Variants in ARAP3 observed in about 807,000 individuals in gnomAD.
ARAP3 encodes the protein ArfGAP with RhoGAP domain, ankyrin repeat and PH domain 3, also known as arf-GAP with Rho-GAP domain, ANK repeat and PH domain-containing protein 3.
ARAP3 carries 82 observed loss-of-function variants against 169.2 expected under a neutral mutation model. The ratio of observed to expected loss-of-function variants is 0.48; its 90% confidence interval spans 0.41 to 0.58. The LOEUF is 0.58. Ranked by LOEUF, ARAP3 falls within the 20% of genes least tolerant of loss-of-function variation. The probability of loss-of-function intolerance (pLI) is 0.00; values close to 1 mark genes in which losing one functional copy is unlikely to be tolerated. For missense variants in ARAP3, 1,764 were observed against 2,018.0 expected (o/e 0.87, Z 2.41); for synonymous variants, 791 against 800.3 (o/e 0.99, Z 0.20).
At chr5:141,655,982 G>A in intron 29 of ARAP3, 50 bp from the exon 30 acceptor site, 1 of 1,613,774 alleles carries the variant, frequency 6.2e-7, no homozygotes, top group Non-Finnish European at 8.5e-7. Context: ...CACAGCTATA[G>A]GAATGGAGCA....
chr5:141,659,091 T>C (rs185425991), intron 23 of ARAP3, among the ~76,000 whole-genome samples: 52 of 152,332 alleles, frequency 3.4e-4, no homozygotes, highest in Admixed American at 1.8e-3. Flanking sequence ...TTTGTCTGAC[T>C]TTACTAACTC....
At chr5:141,665,891 C>T (rs983526378) in intron 17 of ARAP3, among the ~76,000 whole-genome samples, 16 of 151,728 alleles carry the variant, frequency 1.1e-4, no homozygotes, top group African/African-American at 3.9e-4. Flanking sequence ...ATTAGCTGGG[C>T]GTGGTGGCGG....
intron 4 of ARAP3, among the ~76,000 whole-genome samples, chr5:141,675,192 G>A (rs560647350): frequency 6.6e-6 from 1 of 152,072 alleles, no homozygotes. Flanking sequence ...CATCCTTCAG[G>A]TCTTTGCTTA....
At position 141,658,608 on chromosome 5, in the gene ARAP3, G is replaced by T. The variant is rs1254676340; in HGVS notation, c.3382C>A (p.Gln1128Lys). The change falls in exon 24 of 33, where the codon CAG becomes AAG. Residue 1128 changes from glutamine (Q) to lysine (K), a missense_variant. This residue lies in a region of ARAP3 where 1,112 missense variants were observed against 1,285.7 expected (regional missense o/e 0.86). Transcript: ENST00000239440. ...DLIMEVYIEQQLPDNCVTLKV... is the reference protein window; with the variant it reads ...DLIMEVYIEQKLPDNCVTLKV... ...AGGGTGACACAGTTGTCTGGGAGCT[G>T]CTGCTCTATATAAACTTCCATGATG... 1.2e-6 allele frequency: 2 copies of T among 1,612,212 alleles called. No homozygotes were observed. The highest frequency in any genetic ancestry group is 3.4e-5 in the Admixed American group (2 of 59,272).
In ARAP3 at chr5:141,661,732, G is replaced by A. The variant is rs1367576423; in HGVS notation, c.3071C>T (p.Pro1024Leu). Residue 1024 changes from proline to leucine, a missense_variant, in exon 21 of 33, where the codon CCG (proline) becomes CTG (leucine). Pro to Leu is a moderately conservative substitution (Grantham distance 98). Transcript: ENST00000239440. ...GGCCAGTGTGCGGCGGTTGACCCGC[G>A]GCAGGCAGCCAATCACATCTTTATA... ...EKYKDVIGCL[P>L]RVNRRTLATL... 1.9e-6 allele frequency: 3 copies of A among 1,614,238 alleles called. No homozygotes were observed. Among genetic ancestry groups the A allele is most frequent in the Non-Finnish European group, 2.5e-6 (3 of 1,180,044 alleles).
intron 4 of ARAP3, among the ~76,000 whole-genome samples, chr5:141,674,419 A>C (rs1197040821): frequency 1.3e-5 from 2 of 151,538 alleles, no homozygotes; most frequent in African/African-American, 4.9e-5. Context: ...ACACCTGGCT[A>C]ATTTTTTATT....
At chr5:141,664,715 A>G (rs2099910411) in intron 19 of ARAP3, among the ~76,000 whole-genome samples, 1 of 152,044 alleles carries the variant, frequency 6.6e-6, no homozygotes, top group African/African-American at 2.4e-5. Context: ...CGTTGGCCCC[A>G]TTTTACAGAT....
rs773033723 is a variant in ARAP3, at chr5:141,656,510, C to G, written c.3783G>C (p.Glu1261Asp). Reference protein sequence around the residue: ...LRGRCLLLLKEKKSSKPEREW... With the variant: ...LRGRCLLLLKDKKSSKPEREW... ...TCTGGCCCCAGGGCCTCACTTTCTT[C>G]TCCTTGAGCAGCAGCAGGCAGCGGC... The change falls in exon 27 of 33, where the codon GAG (glutamate) becomes GAC (aspartate). Residue 1261 changes from glutamate to aspartate, a missense_variant. Physicochemically the swap from Glu to Asp is conservative, Grantham distance 45 (BLOSUM62 2). Transcript: ENST00000239440. 21 of 1,611,818 alleles carry G rather than the reference C, an allele frequency of 1.3e-5. No individual in the cohort carries two copies. The highest frequency in any genetic ancestry group is 1.7e-5 in the Admixed American group (1 of 59,682).
In ARAP3 at chr5:141,672,900, C is replaced by T. The variant is rs377011029; in HGVS notation, c.1119G>A (p.Thr373=). The T allele has an allele frequency of 1.1e-5, 18 of 1,608,862 alleles. No individual in the cohort carries two copies. Among genetic ancestry groups the T allele is most frequent in the East Asian group, 6.7e-5 (3 of 44,708 alleles). ...GCTGCTCCTTCAGACAGGACTGCAGCGTGGAGCACCACATGTCCCGCTGAG... is the reference window on the plus strand; with the variant it reads ...GCTGCTCCTTCAGACAGGACTGCAGTGTGGAGCACCACATGTCCCGCTGAG... ...SEAQRDMWCS[T]LQSCLKEQRL... is the part of the protein sequence containing the mutation. Residue 373 remains threonine (T), a synonymous_variant, in exon 8 of 33, where the codon ACG becomes ACA. Coordinates refer to ENST00000239440, the MANE Select transcript of ARAP3 (RefSeq NM_022481.6). This position sits in a 1 kb window ranked among gnomAD's most constrained non-coding sequence, Gnocchi z 4.9.
chr5:141,661,913 CCT>C, intron 20 of ARAP3, 124 bp from the exon 21 acceptor site: 5 of 1,497,074 alleles, frequency 3.3e-6, no homozygotes, highest in Non-Finnish European at 4.6e-6. Context: ...CCCACCTCCC[CCT>C]GAGCCAAGTC....
intron 21 of ARAP3, 117 bp from the exon 22 acceptor site, chr5:141,660,043 C>T (rs1451417956): frequency 4.5e-6 from 6 of 1,329,582 alleles, no homozygotes; most frequent in Non-Finnish European, 6.0e-6. Flanking sequence ...ATAATATTGG[C>T]CTCAAGGAGC....
Position 141,656,510 on chromosome 5 carries a change from C to T in ARAP3, c.3783G>A (p.Glu1261=). 1.2e-6 allele frequency: 2 copies of T among 1,611,818 alleles called. No homozygotes were observed. The highest frequency in any genetic ancestry group is 1.7e-6 in the Non-Finnish European group (2 of 1,178,982). The change falls in exon 27 of 33, where the codon GAG becomes GAA. Residue 1261 remains glutamate (E), a synonymous_variant. Coordinates refer to ENST00000239440, the MANE Select transcript of ARAP3 (RefSeq NM_022481.6). ...TCTGGCCCCAGGGCCTCACTTTCTT[C>T]TCCTTGAGCAGCAGCAGGCAGCGGC... ...LRGRCLLLLK[E]KKSSKPEREW...
In ARAP3 at chr5:141,656,211, C is replaced by T; in HGVS notation, c.3855G>A (p.Lys1285=). Reference sequence around the variant, plus strand: ...AAACTCACGGTGTTGGGGGCTTTAACTTCTTGCGGATTCCCAGGTAGACCT... The same window carrying T: ...AAACTCACGGTGTTGGGGGCTTTAATTTCTTGCGGATTCCCAGGTAGACCT... The part of the protein sequence containing the change: ...GAKVYLGIRK[K]LKPPTPWGFT... Residue 1285 remains lysine (K), a synonymous_variant, in exon 28 of 33, where the codon AAG becomes AAA. Transcript: ENST00000239440. 6.2e-7 allele frequency: 1 copy of T among 1,614,154 alleles called. No individual in the cohort carries two copies. Among genetic ancestry groups the T allele is most frequent in the Non-Finnish European group, 8.5e-7 (1 of 1,180,022 alleles).
At chr5:141,666,794 A>G (rs1036671383) in intron 16 of ARAP3, 151 bp from the exon 17 acceptor site, 1 of 431,398 alleles carries the variant, frequency 2.3e-6, no homozygotes, top group African/African-American at 2.0e-5. Flanking sequence ...GATGCGAGAG[A>G]GCAGAGGAGA....
At chr5:141,669,151 AG>A (rs2099911106) in intron 16 of ARAP3, among the ~76,000 whole-genome samples, 1 of 152,164 alleles carries the variant, frequency 6.6e-6, no homozygotes, top group African/African-American at 2.4e-5. Context: ...GATGTGGAAA[AG>A]CTCACAAGGC....
At chr5:141,665,122 A>C (rs1199565510) in intron 18 of ARAP3, 37 bp from the exon 19 acceptor site, 2 of 1,590,798 alleles carry the variant, frequency 1.3e-6, no homozygotes, top group Non-Finnish European at 1.7e-6. Flanking sequence ...GCCAGCTCCG[A>C]CAGGCCCAGA....
intron 4 of ARAP3, among the ~76,000 whole-genome samples, chr5:141,677,679 C>T (rs2099912365): frequency 6.6e-6 from 1 of 152,234 alleles, no homozygotes; most frequent in Non-Finnish European, 1.5e-5. Context: ...AAAGTCAAAA[C>T]CCCTCAATGG....
rs200642318 is a variant in ARAP3 at position 141,680,182 on chromosome 5, A to C, written c.305T>G (p.Phe102Cys). Residue 102 changes from phenylalanine (F) to cysteine (C), a missense_variant, in exon 2 of 33, where the codon TTT becomes TGT. Around this residue, in one of 3 missense-constraint regions of ARAP3, gnomAD observed 630 missense variants for 678.7 expected, o/e 0.93. Transcript: ENST00000239440. ...PKPVPKPRTVFGGLSGPATTQ... is the reference protein window; with the variant it reads ...PKPVPKPRTVCGGLSGPATTQ... ...GGTGGCAGGGCCACTGAGTCCACCA[A>C]ACACGGTCCTGGGCTTCGGCACGGG... The C allele has an allele frequency of 1.9e-6, 3 of 1,609,208 alleles. No individual in the cohort carries two copies. The highest frequency in any genetic ancestry group is 2.5e-6 in the Non-Finnish European group (3 of 1,176,676).
chr5:141,661,730 G>A lies in ARAP3; in HGVS notation c.3073C>T (p.Arg1025Trp), dbSNP rs749531398. The change falls in exon 21 of 33, where the codon CGG (arginine) becomes TGG (tryptophan). Residue 1025 changes from arginine (R) to tryptophan (W), a missense_variant. Transcript: ENST00000239440. ...GTGGCCAGTGTGCGGCGGTTGACCC[G>A]CGGCAGGCAGCCAATCACATCTTTA... ...KYKDVIGCLP[R>W]VNRRTLATLI... 8.1e-6 allele frequency: 13 copies of A among 1,614,230 alleles called. No homozygotes were observed. The highest frequency in any genetic ancestry group is 5.0e-5 in the Admixed American group (3 of 60,028).
Sources: gnomAD v4.1 joint callset for allele counts (sites outside exome capture counted in the v4.1 genomes callset) on GRCh38, gnomAD v4.1.1 for gene constraint, gnomAD v4.1.1 regional missense constraint, Gnocchi (gnomAD v3.1) non-coding constraint, MANE v1.5 for transcripts, NCBI Gene and HGNC (gene_info 2026-07-23, HGNC 2026-07-21) for gene names.